GIGYF2: variants seen among roughly 807,000 people sequenced by gnomAD.
GIGYF2 encodes the protein GRB10 interacting GYF protein 2, also known as GRB10-interacting GYF protein 2.
GIGYF2 carries 25 observed loss-of-function variants against 208.1 expected under a neutral mutation model. The ratio of observed to expected loss-of-function variants is 0.12; its 90% CI spans 0.09 to 0.17. The LOEUF is 0.17. Ranked by LOEUF, GIGYF2 falls within the 10% of genes least tolerant of loss-of-function variation. GIGYF2 has a pLI of 1.00. For synonymous variants in GIGYF2, 534 were observed against 543.8 expected (o/e 0.98, Z 0.25); for missense variants, 1,302 against 1,579.4 (o/e 0.82, Z 2.98).
At chr2:232,833,609 G>T (rs1199680040) in intron 22 of GIGYF2, among the ~76,000 whole-genome samples, 1 of 152,222 alleles carries the variant, frequency 6.6e-6, no homozygotes, top group African/African-American at 2.4e-5. Flanking sequence ...GGCAAAACAA[G>T]TAAATCTGTT....
In GIGYF2 at chr2:232,811,226, T is replaced by A. The variant is rs369057033; in HGVS notation, c.1899-18T>A. On this transcript the variant is annotated intron_variant, in intron 16 of 28. Coordinates refer to ENST00000373563, the MANE Select transcript of GIGYF2 (RefSeq NM_001103146.3). ...AGTGTGGATTGACAGGTTATACTTTTTTTTTTACTTTTTGAAGACAACAAT... is the reference window on the plus strand; with the variant it reads ...AGTGTGGATTGACAGGTTATACTTTATTTTTTACTTTTTGAAGACAACAAT... 1 of 1,407,840 alleles carries A rather than the reference T, an allele frequency of 7.1e-7. No individual in the cohort carries two copies. 87.2% of individuals were successfully genotyped at this position (1,407,840 alleles called of 1,614,324 possible). A position where few individuals can be genotyped will look rare whatever the true frequency, so the allele number is the denominator to read the frequency against.
At chr2:232,778,905 A>G (rs1194127820) in intron 8 of GIGYF2, among the ~76,000 whole-genome samples, 2 of 152,210 alleles carry the variant, frequency 1.3e-5, no homozygotes, top group African/African-American at 4.8e-5. Context: ...CTTATGTGAT[A>G]AGGTTAATCT....
chr2:232,792,544 T>C (rs1469437923), intron 12 of GIGYF2, among the ~76,000 whole-genome samples: 1 of 152,034 alleles, frequency 6.6e-6, no homozygotes. Context: ...TTGAGAACAG[T>C]GTGGACAACA....
intron 8 of GIGYF2, among the ~76,000 whole-genome samples, chr2:232,777,341 T>C (rs983427986): frequency 1.3e-5 from 2 of 152,194 alleles, no homozygotes; most frequent in Admixed American, 6.5e-5. Context: ...ATTGAAATAG[T>C]GTTTAGCTGG....
rs576903598 is a variant in GIGYF2, at chr2:232,860,138, C to T, written c.*3278C>T. The stretch of plus-strand genomic sequence containing the variant: ...ATGCATACATGAAGGACTTTATTTT[C>T]ATTGGCTTTAAGTTGAGGGTTTTTG... On this transcript the variant is annotated 3_prime_UTR_variant, in exon 29 of 29. Coordinates refer to ENST00000373563, the MANE Select transcript of GIGYF2 (RefSeq NM_001103146.3). The T allele has an allele frequency of 3.3e-4, 50 of 152,168 alleles. No individual in the cohort carries two copies. The highest frequency in any genetic ancestry group is 1.2e-3 in the African/African-American group (50 of 41,538). 9.4% of individuals were successfully genotyped at this position (152,168 alleles called of 1,614,324 possible).
At chr2:232,840,024 G>A in intron 23 of GIGYF2, 53 bp downstream of exon 23, 1 of 1,564,282 alleles carries the variant, frequency 6.4e-7, no homozygotes, top group South Asian at 1.1e-5. Flanking sequence ...AGAATATCTA[G>A]CATGCATTAT....
intron 14 of GIGYF2, among the ~76,000 whole-genome samples, chr2:232,804,803 T>C (rs1174607273): frequency 6.6e-6 from 1 of 152,194 alleles, no homozygotes; most frequent in African/African-American, 2.4e-5. Context: ...TGTATTTTTA[T>C]TTTCATTCCG....
At chr2:232,701,417 C>G (rs931058976) in intron 1 of GIGYF2, among the ~76,000 whole-genome samples, 31 of 150,336 alleles carry the variant, frequency 2.1e-4, no homozygotes, top group African/African-American at 7.3e-4. Context: ...TGCGCTCCAG[C>G]CTAGGTGATA....
At chr2:232,829,395 TAAA>T (rs1217995858) in intron 21 of GIGYF2, among the ~76,000 whole-genome samples, 1 of 152,192 alleles carries the variant, frequency 6.6e-6, no homozygotes, top group Non-Finnish European at 1.5e-5. Flanking sequence ...ATTTTTATAA[TAAA>T]AAAATTGTAT....
At chr2:232,789,300 G>C (rs1293287540) in intron 9 of GIGYF2, among the ~76,000 whole-genome samples, 8 of 152,128 alleles carry the variant, frequency 5.3e-5, no homozygotes, top group Admixed American at 5.2e-4. Context: ...ATCCAGTCTG[G>C]GAGCTGAACC....
At chr2:232,801,523 G>C (rs542103983) in intron 14 of GIGYF2, among the ~76,000 whole-genome samples, 2 of 152,250 alleles carry the variant, frequency 1.3e-5, no homozygotes, top group East Asian at 3.9e-4. Context: ...ACAAAAAAAA[G>C]ACATATACAT....
intron 21 of GIGYF2, 36 bp from the exon 22 acceptor site, chr2:232,832,821 A>G: frequency 6.8e-7 from 1 of 1,469,366 alleles, no homozygotes; most frequent in Non-Finnish European, 9.3e-7. Context: ...CACAATTAAT[A>G]AAATTTTTAT....
intron 22 of GIGYF2, among the ~76,000 whole-genome samples, chr2:232,835,779 G>T (rs1159791256): frequency 6.6e-6 from 1 of 152,092 alleles, no homozygotes; most frequent in Non-Finnish European, 1.5e-5. Context: ...CGTGGGTTTG[G>T]CAGGGCTCTC....
In GIGYF2 at chr2:232,845,806, G is replaced by T. The variant is rs1184249786; in HGVS notation, c.3380G>T (p.Gly1127Val). ...EEEKLLKLFQ[G>V]VNKAQDGFTQ... ...GAAAAGTTGCTGAAGCTCTTTCAGG[G>T]AGTAAATAAAGCCCAAGATGGATTT... Residue 1127 changes from glycine to valine, a missense_variant, in exon 26 of 29, where the codon GGA (glycine) becomes GTA (valine). Transcript: ENST00000373563. The T allele has an allele frequency of 1.2e-6, 2 of 1,613,548 alleles. No homozygotes were observed. The highest frequency in any genetic ancestry group is 1.1e-5 in the South Asian group (1 of 91,056).
At chr2:232,759,692 A>G (rs1385588739) in intron 6 of GIGYF2, among the ~76,000 whole-genome samples, 1 of 151,672 alleles carries the variant, frequency 6.6e-6, no homozygotes, top group East Asian at 1.9e-4. Flanking sequence ...TTTTTTAATT[A>G]CAGTGAACAT....
chr2:232,747,401 A>G (rs1698185027), intron 3 of GIGYF2, among the ~76,000 whole-genome samples: 1 of 152,266 alleles, frequency 6.6e-6, no homozygotes, highest in Admixed American at 6.5e-5. Context: ...AAGTTAAGGA[A>G]TTGCCACATG....
At chr2:232,814,025 T>A (rs1162988835) in intron 18 of GIGYF2, among the ~76,000 whole-genome samples, 2 of 151,250 alleles carry the variant, frequency 1.3e-5, no homozygotes, top group Admixed American at 6.6e-5. Flanking sequence ...GTAGCTGGGA[T>A]TACAGGCACC....
At chr2:232,770,487 A>G (rs890770133) in intron 8 of GIGYF2, among the ~76,000 whole-genome samples, 2 of 152,096 alleles carry the variant, frequency 1.3e-5, no homozygotes, top group South Asian at 2.1e-4. Flanking sequence ...CTCAGTGAAG[A>G]AAAAAAACCA....
At chr2:232,768,805 CA>C in intron 8 of GIGYF2, 1 of 1,604,582 alleles carries the variant, frequency 6.2e-7, no homozygotes. Flanking sequence ...ATCTTCGCCA[CA>C]AAAGCACCTA....
Sources: allele counts gnomAD v4.1 joint callset (sites outside exome capture counted in the v4.1 genomes callset), GRCh38; gene constraint gnomAD v4.1.1; transcripts MANE v1.5; gene names NCBI Gene and HGNC (gene_info 2026-07-23, HGNC 2026-07-21).